HEBP1: variants seen among roughly 807,000 people sequenced by gnomAD.
HEBP1 encodes heme-binding protein 1.
HEBP1 carries 13 observed loss-of-function variants against 20.4 expected under a neutral mutation model. The observed-to-expected ratio is 0.64, with a 90% CI of 0.42 to 1.01. HEBP1 has a LOEUF of 1.01. HEBP1 is among the 50% of genes least tolerant of loss of function. The pLI is 0.00. For synonymous variants in HEBP1, 92 were observed against 90.7 expected (o/e 1.01, Z -0.08); for missense variants, 241 against 247.3 (o/e 0.97, Z 0.17).
intron 1 of HEBP1, 129 bp from the exon 2 acceptor site, chr12:12,989,544 G>A: frequency 2.8e-6 from 2 of 709,284 alleles, no homozygotes; most frequent in Non-Finnish European, 4.7e-6. Flanking sequence ...GGACAGGCCT[G>A]AGTATGAAGG....
intron 3 of HEBP1, chr12:12,983,666 T>C: frequency 2.2e-6 from 1 of 456,066 alleles, no homozygotes; most frequent in Non-Finnish European, 4.4e-6. Context: ...GGAATGATCA[T>C]ATGCTGTGTG....
At chr12:12,990,171 A>T (rs1282816173) in intron 1 of HEBP1, among the ~76,000 whole-genome samples, 2 of 150,342 alleles carry the variant, frequency 1.3e-5, no homozygotes, top group Non-Finnish European at 3.0e-5. Context: ...CATGTATTTT[A>T]TTTATTTATT....
At chr12:12,978,193 GA>G (rs1296828125) in intron 3 of HEBP1, among the ~76,000 whole-genome samples, 1 of 135,572 alleles carries the variant, frequency 7.4e-6, no homozygotes, top group Admixed American at 7.6e-5. Flanking sequence ...GTAGACCTAC[GA>G]AAGGGTTTTT....
At position 12,996,401 on chromosome 12, in the gene HEBP1, C is replaced by A. The variant is rs537505805; in HGVS notation, c.78+3636G>T. On this transcript the variant is annotated intron_variant, in intron 1 of 3. Transcript: ENST00000014930. The surrounding 1 kb of genome is among the most constrained non-coding windows in gnomAD (Gnocchi z 4.1). The stretch of plus-strand genomic sequence containing the variant: ...CAATCCAACACAGAGAGCTGTCTAC[C>A]CTCCTCCCTCCCTGAGCAATTAAGA... 8.1e-4 allele frequency among the ~76,000 whole-genome samples: 124 copies of A among 152,254 alleles called. No individual in the cohort carries two copies. The highest frequency in any genetic ancestry group is 2.8e-3 in the African/African-American group (116 of 41,550).
intron 1 of HEBP1, among the ~76,000 whole-genome samples, chr12:12,993,459 T>C (rs1864251509): frequency 6.6e-6 from 1 of 151,236 alleles, no homozygotes; most frequent in Non-Finnish European, 1.5e-5. Flanking sequence ...CCTTCCAAAG[T>C]GTCTTTGCTT....
intron 2 of HEBP1, among the ~76,000 whole-genome samples, chr12:12,987,612 T>TC (rs1230851526): frequency 2.1e-3 from 245 of 117,812 alleles, no homozygotes; most frequent in African/African-American, 2.9e-3. Context: ...CTCTCTCTCT[T>TC]TCTCTCTCTC....
At chr12:12,997,159 A>G (rs1323487790) in intron 1 of HEBP1, among the ~76,000 whole-genome samples, 1 of 152,228 alleles carries the variant, frequency 6.6e-6, no homozygotes, top group Admixed American at 6.5e-5. Flanking sequence ...CCTGGTACCA[A>G]TATCCCATAT....
intron 1 of HEBP1, among the ~76,000 whole-genome samples, chr12:12,995,965 G>A (rs1252945139): frequency 6.6e-6 from 1 of 152,172 alleles, no homozygotes; most frequent in African/African-American, 2.4e-5. Context: ...TCTGGCTATG[G>A]GATTTGTAAG....
chr12:12,987,301 G>A lies in HEBP1; in HGVS notation c.249C>T (p.Ser83=), dbSNP rs1481846358. The change falls in exon 3 of 4, where the codon TCC becomes TCT. Residue 83 remains serine (S), a synonymous_variant. Coordinates refer to ENST00000014930, the MANE Select transcript of HEBP1 (RefSeq NM_015987.5). Reference sequence around the variant, plus strand: ...CATCTTCATTGGGGAACACAGCAAAGGAAATAGGGACTGTCATCCCCATCC... The same window carrying A: ...CATCTTCATTGGGGAACACAGCAAAAGAAATAGGGACTGTCATCCCCATCC... ...GIGMGMTVPI[S]FAVFPNEDGS... 1.2e-6 allele frequency: 2 copies of A among 1,614,004 alleles called. No homozygotes were observed. Among genetic ancestry groups the A allele is most frequent in the South Asian group, 2.2e-5 (2 of 91,062 alleles).
chr12:12,977,134 G>T (rs1329172597), intron 3 of HEBP1, among the ~76,000 whole-genome samples: 2 of 152,236 alleles, frequency 1.3e-5, no homozygotes, highest in Non-Finnish European at 2.9e-5. Context: ...AATGGCTAGT[G>T]TGTGCTCAAA....
At position 12,989,407 on chromosome 12, in the gene HEBP1, A is replaced by G. The variant is rs2136546863; in HGVS notation, c.87T>C (p.Val29=). Residue 29 remains valine, a synonymous_variant, in exon 2 of 4, where the codon GTT becomes GTC. Transcript: ENST00000014930. ...QVLSKGDKEE[V]AYEERACEGG... is the part of the protein sequence containing the mutation. ...CTTCACAGGCCCTTTCTTCATAGGC[A>G]ACTTCTTCCTAGAGAGAGAGAAGGT... 2 of 1,614,174 alleles carry G rather than the reference A, an allele frequency of 1.2e-6. No individual in the cohort carries two copies. Among genetic ancestry groups the G allele is most frequent in the African/African-American group, 2.7e-5 (2 of 75,078 alleles).
chr12:12,993,034 A>G (rs1864243383), intron 1 of HEBP1, among the ~76,000 whole-genome samples: 1 of 152,098 alleles, frequency 6.6e-6, no homozygotes, highest in South Asian at 2.1e-4. Flanking sequence ...CTCTAAAGCT[A>G]TGGGGGGTGA....
intron 3 of HEBP1, among the ~76,000 whole-genome samples, chr12:12,979,201 T>A (rs1864041423): frequency 6.6e-6 from 1 of 152,122 alleles, no homozygotes; most frequent in Non-Finnish European, 1.5e-5. Context: ...GAGAGTGAGA[T>A]GGAGAATGTC....
At position 12,987,483 on chromosome 12, in the gene HEBP1, A is replaced by C. The variant is rs566816258; in HGVS notation, c.218-151T>G. On this transcript the variant is annotated intron_variant, in intron 2 of 3. Coordinates refer to ENST00000014930, the MANE Select transcript of HEBP1 (RefSeq NM_015987.5). Reference sequence around the variant, plus strand: ...ACATTTCAAGTGTTAAAAATACAGAAATACATGAACACCTGTTATTTGTAT... The same window carrying C: ...ACATTTCAAGTGTTAAAAATACAGACATACATGAACACCTGTTATTTGTAT... The C allele has an allele frequency of 7.5e-5, 47 of 623,960 alleles. No individual in the cohort carries two copies. In the South Asian group the frequency reaches 1.0e-3, roughly 14 times the overall value. 38.7% of individuals were successfully genotyped at this position (623,960 alleles called of 1,614,324 possible). A position where few individuals can be genotyped will look rare whatever the true frequency, so the allele number is the denominator to read the frequency against.
intron 1 of HEBP1, among the ~76,000 whole-genome samples, chr12:12,997,868 C>T (rs1457870702): frequency 1.3e-5 from 2 of 152,208 alleles, no homozygotes; most frequent in East Asian, 3.9e-4. Context: ...TTCATCAGGG[C>T]TGTTAGGAGA....
intron 1 of HEBP1, among the ~76,000 whole-genome samples, chr12:12,994,844 G>A (rs760915915): frequency 5.3e-5 from 8 of 152,164 alleles, no homozygotes; most frequent in Non-Finnish European, 1.0e-4. Context: ...ATTAGCATAA[G>A]GGGAGACTAG....
rs201900227 is a variant in HEBP1 at position 12,989,379 on chromosome 12, C to T, written c.115G>A (p.Gly39Ser). Residue 39 changes from glycine (G) to serine (S), a missense_variant, in exon 2 of 4, where the codon GGC becomes AGC. Coordinates refer to ENST00000014930, the MANE Select transcript of HEBP1 (RefSeq NM_015987.5). The part of the protein sequence containing the change: ...VAYEERACEG[G>S]KFATVEVTDK... ...GTCACTTCTACTGTGGCAAATTTGC[C>T]GCCTTCACAGGCCCTTTCTTCATAG... The T allele has an allele frequency of 2.9e-5, 47 of 1,614,072 alleles. No homozygotes were observed. Among genetic ancestry groups the T allele is most frequent in the Middle Eastern group, 3.3e-4 (2 of 6,084 alleles).
At chr12:12,990,192 A>T (rs1225423310) in intron 1 of HEBP1, among the ~76,000 whole-genome samples, 1 of 151,882 alleles carries the variant, frequency 6.6e-6, no homozygotes, top group African/African-American at 2.4e-5. Context: ...TATTTTTGAG[A>T]CAGTGTTTCA....
At position 12,998,926 on chromosome 12, in the gene HEBP1, A is replaced by G. The variant is rs1318387896; in HGVS notation, c.78+1111T>C. Among the ~76,000 whole-genome samples the G allele has an allele frequency of 6.6e-6, 1 of 152,322 alleles. No individual in the cohort carries two copies. The highest frequency in any genetic ancestry group is 1.9e-4 in the East Asian group (1 of 5,184). ...TTCTCACTCATTCTGTATTCTAGGT[A>G]CCCAACTCCAGAGGATCTAACTGGC... On this transcript the variant is annotated intron_variant, in intron 1 of 3. Transcript: ENST00000014930. This position sits in a 1 kb window ranked among gnomAD's most constrained non-coding sequence, Gnocchi z 4.2.
Sources: gnomAD v4.1 joint callset for allele counts (sites outside exome capture counted in the v4.1 genomes callset) on GRCh38, gnomAD v4.1.1 for gene constraint, Gnocchi (gnomAD v3.1) non-coding constraint, MANE v1.5 for transcripts, NCBI Gene and HGNC (gene_info 2026-07-23, HGNC 2026-07-21) for gene names.